The following APOC3 variants were observed in gnomAD, a reference collection of about 807,000 sequenced individuals.
The protein encoded by APOC3 is apolipoprotein C-III.
Under a neutral mutation model 7.3 loss-of-function variants are expected in APOC3, and 6 were observed. That is an observed-to-expected ratio of 0.82 (90% confidence interval 0.45 to 1.61). APOC3 has a LOEUF of 1.61. Among genes scored for constraint, APOC3 ranks in the 40% most tolerant of loss-of-function variants. APOC3 has a pLI of 0.01. For missense variants in APOC3, 123 were observed against 124.9 expected (o/e 0.98, Z 0.07); for synonymous variants, 45 against 51.2 (o/e 0.88, Z 0.52).
rs1941437820 is a variant in APOC3 at position 116,830,806 on chromosome 11, G to C, written c.89G>C (p.Ser30Thr). Residue 30 changes from serine (S) to threonine (T), a missense_variant, in exon 3 of 4, where the codon AGC (serine) becomes ACC (threonine). By Grantham distance (58) the Ser-to-Thr change is moderately conservative. Coordinates refer to ENST00000227667, the MANE Select transcript of APOC3 (RefSeq NM_000040.3). ...GAGGCCGAGGATGCCTCCCTTCTCA[G>C]CTTCATGCAGGGTTACATGAAGCAC... ...ASEAEDASLL[S>T]FMQGYMKHAT... The C allele has an allele frequency of 6.2e-7, 1 of 1,613,270 alleles. No homozygotes were observed. The highest frequency in any genetic ancestry group is 1.3e-5 in the African/African-American group (1 of 75,042).
Position 116,830,594 on chromosome 11 carries a change from G to C in APOC3, c.12G>C (p.Arg4=). The C allele has an allele frequency of 6.2e-7, 1 of 1,614,016 alleles. No homozygotes were observed. The highest frequency in any genetic ancestry group is 8.5e-7 in the Non-Finnish European group (1 of 1,180,002). Residue 4 remains arginine (R), a synonymous_variant, in exon 2 of 4, where the codon CGG becomes CGC. Coordinates refer to ENST00000227667, the MANE Select transcript of APOC3 (RefSeq NM_000040.3). MQP[R]VLLVVALLAL... is the part of the protein sequence containing the mutation. ...GGAACAGAGGTGCCATGCAGCCCCG[G>C]GTACTCCTTGTTGTTGCCCTCCTGG...
intron 1 of APOC3, chr11:116,830,355 G>T (rs927958273): frequency 6.5e-6 from 4 of 614,350 alleles, no homozygotes; most frequent in Non-Finnish European, 5.8e-6. Flanking sequence ...TCAGTCTGGT[G>T]GGTTTTCTGC....
rs779472664 is a variant in APOC3, at chr11:116,830,663, G to T, written c.55+26G>T. 4.3e-6 allele frequency: 7 copies of T among 1,613,692 alleles called. No individual in the cohort carries two copies. The South Asian group carries it at 6.6e-5, about 15-fold the overall frequency. On this transcript the variant is annotated intron_variant, in intron 2 of 3. Transcript: ENST00000227667. ...GTAAGCACTTGGTGGGACTGGGCTGGGGGCAGGGTGGAGGCAACTTGGGGA... is the reference window on the plus strand; with the variant it reads ...GTAAGCACTTGGTGGGACTGGGCTGTGGGCAGGGTGGAGGCAACTTGGGGA...
chr11:116,831,526 A>T (rs1941460833), intron 3 of APOC3, among the ~76,000 whole-genome samples: 1 of 150,404 alleles, frequency 6.6e-6, no homozygotes, highest in African/African-American at 2.5e-5. Context: ...CACCACACCC[A>T]GCTAATTTTT....
intron 3 of APOC3, among the ~76,000 whole-genome samples, chr11:116,832,520 A>G (rs1456077531): frequency 6.6e-6 from 1 of 152,190 alleles, no homozygotes; most frequent in East Asian, 1.9e-4. Flanking sequence ...GGGCATAAAC[A>G]TCTGAGGTGA....
rs144573427 is a variant in APOC3, at chr11:116,832,872, C to A, written c.288C>A (p.Ala96=). Reference sequence around the variant, plus strand: ...ACCCTGAGGTCAGACCAACTTCAGCCGTGGCTGCCTGAGACCTCAATACCC... The same window carrying A: ...ACCCTGAGGTCAGACCAACTTCAGCAGTGGCTGCCTGAGACCTCAATACCC... ...DLDPEVRPTS[A]VAA The change falls in exon 4 of 4, where the codon GCC becomes GCA. Residue 96 remains alanine (A), a synonymous_variant. Transcript: ENST00000227667. The A allele has an allele frequency of 9.3e-6, 15 of 1,613,692 alleles. No homozygotes were observed. In the African/African-American group the frequency reaches 1.6e-4, roughly 17 times the overall value.
chr11:116,830,999 C>T (rs1941440826), intron 3 of APOC3, 103 bp downstream of exon 3: 15 of 1,413,530 alleles, frequency 1.1e-5, no homozygotes, highest in Non-Finnish European at 1.4e-5. Flanking sequence ...GGTGCTCCAG[C>T]CTCCCCTGGG....
At chr11:116,830,498 A>T (rs1188497114) in intron 1 of APOC3, 72 bp from the exon 2 acceptor site, 1 of 1,550,050 alleles carries the variant, frequency 6.5e-7, no homozygotes, top group Non-Finnish European at 8.9e-7. Context: ...CTTAGGGGCC[A>T]CGCCACCTCC....
chr11:116,831,241 CT>C (rs1491125558), intron 3 of APOC3: 1 of 120,894 alleles, frequency 8.3e-6, no homozygotes, highest in Non-Finnish European at 1.6e-5. Context: ...TTCTTTCTTT[CT>C]TTCTTTCTTT....
intron 3 of APOC3, chr11:116,831,229 CTTTCTTTCTT>C (rs1941449790): frequency 1.1e-5 from 2 of 190,434 alleles, no homozygotes; most frequent in Non-Finnish European, 1.9e-5. Flanking sequence ...TTCTTTCTTT[CTTTCTTTCTT>C]TCTTTCTTTC....
chr11:116,832,314 A>C (rs995537104), intron 3 of APOC3, among the ~76,000 whole-genome samples: 1 of 152,196 alleles, frequency 6.6e-6, no homozygotes, highest in Non-Finnish European at 1.5e-5. Flanking sequence ...GCTCAGAGCG[A>C]TTAGGTGACC....
rs200945195 is a variant in APOC3 at position 116,832,818 on chromosome 11, G to A, written c.234G>A (p.Lys78=). The change falls in exon 4 of 4, where the codon AAG becomes AAA. Residue 78 remains lysine (K), a synonymous_variant. Transcript: ENST00000227667. ...TGAAAGACTACTGGAGCACCGTTAA[G>A]GACAAGTTCTCTGAGTTCTGGGATT... is the stretch of plus-strand genomic sequence containing the variant. ...SSLKDYWSTV[K]DKFSEFWDLD... 1 of 1,614,144 alleles carries A rather than the reference G, an allele frequency of 6.2e-7. No homozygotes were observed. Among genetic ancestry groups the A allele is most frequent in the Non-Finnish European group, 8.5e-7 (1 of 1,180,032 alleles).
chr11:116,831,080 T>C (rs1223194727), intron 3 of APOC3, 184 bp downstream of exon 3: 8 of 734,874 alleles, frequency 1.1e-5, no homozygotes, highest in Non-Finnish European at 1.6e-5. Context: ...ATGACAGAGT[T>C]GAGACTGCAT....
intron 1 of APOC3, among the ~76,000 whole-genome samples, chr11:116,830,182 C>T (rs1443111547): frequency 6.6e-6 from 1 of 152,096 alleles, no homozygotes; most frequent in Non-Finnish European, 1.5e-5. Context: ...GTGCAGGTTC[C>T]CCCCTCATTC....
chr11:116,832,927 C>T lies in APOC3; in HGVS notation c.*43C>T. 6.2e-7 allele frequency: 1 copy of T among 1,612,878 alleles called. No homozygotes were observed. Among genetic ancestry groups the T allele is most frequent in the South Asian group, 1.1e-5 (1 of 91,042 alleles). On this transcript the variant is annotated 3_prime_UTR_variant, in exon 4 of 4. Transcript: ENST00000227667. Reference sequence around the variant, plus strand: ...TCCACCTGCCTATCCATCCTGCGAGCTCCTTGGGTCCTGCAATCTCCAGGG... The same window carrying T: ...TCCACCTGCCTATCCATCCTGCGAGTTCCTTGGGTCCTGCAATCTCCAGGG...
At chr11:116,831,064 G>A in intron 3 of APOC3, 168 bp downstream of exon 3, 1 of 828,748 alleles carries the variant, frequency 1.2e-6, no homozygotes, top group Non-Finnish European at 1.9e-6. Context: ...GGCTGCTGCG[G>A]GAGAGATGAC....
intron 2 of APOC3, 42 bp downstream of exon 2, chr11:116,830,679 A>T: frequency 6.2e-7 from 1 of 1,613,342 alleles, no homozygotes; most frequent in African/African-American, 1.3e-5. Context: ...GGGTGGAGGC[A>T]ACTTGGGGAT....
At position 116,832,976 on chromosome 11, in the gene APOC3, G is replaced by C; in HGVS notation, c.*92G>C. ...GGCTGCCCCTGTAGGTTGCTTAAAA[G>C]GGACAGTATTCTCAGTGCTCTCCTA... On this transcript the variant is annotated 3_prime_UTR_variant, in exon 4 of 4. Transcript: ENST00000227667. 1.3e-6 allele frequency: 2 copies of C among 1,577,452 alleles called. No individual in the cohort carries two copies. The highest frequency in any genetic ancestry group is 1.7e-6 in the Non-Finnish European group (2 of 1,151,084).
Position 116,832,918 on chromosome 11 carries a change from T to C in APOC3, c.*34T>C, listed in dbSNP as rs772397071. ...TACCCCAAGTCCACCTGCCTATCCA[T>C]CCTGCGAGCTCCTTGGGTCCTGCAA... On this transcript the variant is annotated 3_prime_UTR_variant, in exon 4 of 4. Transcript: ENST00000227667. 8.7e-6 allele frequency: 14 copies of C among 1,613,352 alleles called. No homozygotes were observed. The East Asian group carries it at 2.9e-4, about 33-fold the overall frequency.
Sources: allele counts gnomAD v4.1 joint callset (sites outside exome capture counted in the v4.1 genomes callset), GRCh38; gene constraint gnomAD v4.1.1; transcripts MANE v1.5; gene names NCBI Gene and HGNC (gene_info 2026-07-23, HGNC 2026-07-21).